PDSS2: variants seen among roughly 807,000 people sequenced by gnomAD.
PDSS2 encodes the protein all trans-polyprenyl-diphosphate synthase PDSS2.
A neutral mutation model predicts 44.5 loss-of-function variants in PDSS2; 31 were observed. The observed-to-expected ratio is 0.70, with a 90% CI of 0.52 to 0.94. The LOEUF (loss-of-function observed/expected upper bound fraction) is 0.94, where lower values mean the gene tolerates loss of function less well. Among genes scored for constraint, PDSS2 ranks in the 40% least tolerant of loss-of-function variants. The pLI is 0.00. For missense variants in PDSS2, 452 were observed against 482.2 expected (o/e 0.94, Z 0.59); for synonymous variants, 157 against 180.3 (o/e 0.87, Z 1.03).
intron 7 of PDSS2, among the ~76,000 whole-genome samples, chr6:107,173,360 G>T (rs1231938262): frequency 6.6e-6 from 1 of 151,574 alleles, no homozygotes; most frequent in African/African-American, 2.4e-5. Context: ...GATCACCTGA[G>T]GTCACGAGAT....
chr6:107,289,454 C>T (rs886682636), intron 2 of PDSS2, among the ~76,000 whole-genome samples: 10 of 151,722 alleles, frequency 6.6e-5, no homozygotes, highest in African/African-American at 2.4e-4. Flanking sequence ...AATCCAAGCA[C>T]TGTGGGAGGA....
intron 2 of PDSS2, among the ~76,000 whole-genome samples, chr6:107,329,930 G>A (rs1293038755): frequency 2.0e-5 from 3 of 151,432 alleles, no homozygotes; most frequent in Non-Finnish European, 2.9e-5. Context: ...GAAACTGGGA[G>A]GCAGTGGCTT....
intron 6 of PDSS2, among the ~76,000 whole-genome samples, chr6:107,201,390 CAAAAAAAAAAA>C (rs747612959): frequency 7.7e-5 from 4 of 52,148 alleles, no homozygotes; most frequent in Non-Finnish European, 1.2e-4. Flanking sequence ...CATACAAAAG[CAAAAAAAAAAA>C]AAAAAAAAAA....
intron 3 of PDSS2, among the ~76,000 whole-genome samples, chr6:107,271,064 T>C (rs905086810): frequency 2.6e-5 from 4 of 152,230 alleles, no homozygotes; most frequent in Admixed American, 2.6e-4. Context: ...ATAAGTTATG[T>C]TGCAGAGTCG....
chr6:107,199,986 C>T (rs1394222628), intron 6 of PDSS2, among the ~76,000 whole-genome samples: 1 of 152,036 alleles, frequency 6.6e-6, no homozygotes, highest in African/African-American at 2.4e-5. Context: ...CTGTAGAAAA[C>T]AAATTCAATG....
chr6:107,364,507 C>T (rs923810953), intron 1 of PDSS2, among the ~76,000 whole-genome samples: 3 of 151,932 alleles, frequency 2.0e-5, no homozygotes, highest in Admixed American at 2.0e-4. Flanking sequence ...CCCCATTGCC[C>T]GGGGCCAGCA....
At chr6:107,257,819 A>G (rs1001762689) in intron 3 of PDSS2, among the ~76,000 whole-genome samples, 1 of 152,090 alleles carries the variant, frequency 6.6e-6, no homozygotes, top group African/African-American at 2.4e-5. Flanking sequence ...GAGTTTTGCT[A>G]TATTGGTCAG....
intron 1 of PDSS2, among the ~76,000 whole-genome samples, chr6:107,405,456 A>C (rs1251266156): frequency 6.6e-6 from 1 of 152,044 alleles, no homozygotes; most frequent in Non-Finnish European, 1.5e-5. Flanking sequence ...GAAACAAAGG[A>C]TCTACAAAGC....
intron 1 of PDSS2, among the ~76,000 whole-genome samples, chr6:107,379,287 A>G (rs1030393585): frequency 6.6e-6 from 1 of 152,238 alleles, no homozygotes; most frequent in Non-Finnish European, 1.5e-5. Flanking sequence ...TTTCTGTATT[A>G]TAACACTTAT....
At chr6:107,217,789 G>A (rs553807371) in intron 4 of PDSS2, among the ~76,000 whole-genome samples, 114 of 152,212 alleles carry the variant, frequency 7.5e-4, no homozygotes, top group African/African-American at 2.7e-3. Flanking sequence ...ACAGAAATTG[G>A]GTCAATCTTG....
intron 1 of PDSS2, among the ~76,000 whole-genome samples, chr6:107,387,346 T>G (rs1779642954): frequency 6.6e-6 from 1 of 152,214 alleles, no homozygotes; most frequent in African/African-American, 2.4e-5. Flanking sequence ...ATATTAGCAG[T>G]TTTCATTTAA....
At chr6:107,321,728 T>G (rs1009235957) in intron 2 of PDSS2, among the ~76,000 whole-genome samples, 1 of 152,228 alleles carries the variant, frequency 6.6e-6, no homozygotes, top group Non-Finnish European at 1.5e-5. Context: ...TCTGGTTGAC[T>G]TCAATCATGT....
At chr6:107,159,592 A>AT (rs782057654) in intron 7 of PDSS2, among the ~76,000 whole-genome samples, 2 of 151,018 alleles carry the variant, frequency 1.3e-5, no homozygotes, top group Admixed American at 6.6e-5. Flanking sequence ...AATTTTTTGT[A>AT]TTTTTTTAGT....
chr6:107,236,884 G>A (rs1774243926), intron 4 of PDSS2, among the ~76,000 whole-genome samples: 1 of 151,822 alleles, frequency 6.6e-6, no homozygotes, highest in South Asian at 2.1e-4. Context: ...GTTTTAGATG[G>A]CAGCACAGGG....
intron 1 of PDSS2, among the ~76,000 whole-genome samples, chr6:107,341,088 C>A (rs1465230625): frequency 6.6e-6 from 1 of 152,014 alleles, no homozygotes; most frequent in Non-Finnish European, 1.5e-5. Context: ...ATGTTGTGTA[C>A]GGTGGAAAGG....
chr6:107,316,953 T>C (rs745358588), intron 2 of PDSS2, among the ~76,000 whole-genome samples: 3 of 152,280 alleles, frequency 2.0e-5, no homozygotes, highest in Middle Eastern at 6.8e-3. Flanking sequence ...CAGATAATCA[T>C]AAGATGTCAA....
At chr6:107,448,897 A>T (rs1030700991) in intron 1 of PDSS2, among the ~76,000 whole-genome samples, 7 of 152,240 alleles carry the variant, frequency 4.6e-5, no homozygotes, top group African/African-American at 7.2e-5. Flanking sequence ...AGATGCTTAT[A>T]AAACCATCAG....
At chr6:107,173,203 G>C (rs1394876654) in intron 7 of PDSS2, among the ~76,000 whole-genome samples, 4 of 151,876 alleles carry the variant, frequency 2.6e-5, no homozygotes, top group Non-Finnish European at 4.4e-5. Flanking sequence ...ACAGGGTACA[G>C]GTCACAGTAT....
chr6:107,322,665 A>T (rs1006863211), intron 2 of PDSS2, among the ~76,000 whole-genome samples: 1 of 152,104 alleles, frequency 6.6e-6, no homozygotes, highest in Non-Finnish European at 1.5e-5. Flanking sequence ...GCACCATGGC[A>T]AAAACACCTC....
Sources: allele counts gnomAD v4.1 joint callset (sites outside exome capture counted in the v4.1 genomes callset), GRCh38; gene constraint gnomAD v4.1.1; transcripts MANE v1.5; gene names NCBI Gene and HGNC (gene_info 2026-07-23, HGNC 2026-07-21).